The following TEX9 variants were observed in gnomAD, a reference collection of about 807,000 sequenced individuals.
TEX9 encodes the protein testis-expressed protein 9.
A neutral mutation model predicts 59.6 loss-of-function variants in TEX9; 74 were observed. The ratio of observed to expected loss-of-function variants is 1.24; its 90% CI spans 1.03 to 1.51. The LOEUF is 1.51. Among genes scored for constraint, TEX9 ranks in the 40% most tolerant of loss-of-function variants. The pLI, the probability that TEX9 is intolerant of heterozygous loss-of-function variation, is 0.00. For missense variants in TEX9, 522 were observed against 447.8 expected, an observed-to-expected ratio of 1.17 and a Z score of -1.49; for synonymous variants, 186 against 152.2, an observed-to-expected ratio of 1.22 and a Z score of -1.64.
At chr15:56,266,533 G>GTTCT in intron 1 of TEX9, among the ~76,000 whole-genome samples, 1 of 144,842 alleles carries the variant, frequency 6.9e-6, no homozygotes, top group African/African-American at 2.6e-5. Flanking sequence ...GTGTCCAAGT[G>GTTCT]TTCTCATTGT....
At chr15:56,302,069 A>G (rs2045371875) in intron 1 of TEX9, among the ~76,000 whole-genome samples, 1 of 152,188 alleles carries the variant, frequency 6.6e-6, no homozygotes, top group Non-Finnish European at 1.5e-5. Context: ...AGTTTTTATT[A>G]GTTTTCTGTT....
chr15:56,306,970 A>C (rs1398182440), intron 1 of TEX9, among the ~76,000 whole-genome samples: 1 of 152,236 alleles, frequency 6.6e-6, no homozygotes, highest in Non-Finnish European at 1.5e-5. Flanking sequence ...ATGCCCAATA[A>C]ATTTCAACAG....
At chr15:56,403,753 A>G (rs547522800) in intron 9 of TEX9, among the ~76,000 whole-genome samples, 1 of 152,348 alleles carries the variant, frequency 6.6e-6, no homozygotes, top group South Asian at 2.1e-4. Context: ...TACAGTAACC[A>G]AAACAGCGTG....
chr15:56,337,103 T>A (rs2046271869), intron 1 of TEX9, among the ~76,000 whole-genome samples: 1 of 152,224 alleles, frequency 6.6e-6, no homozygotes, highest in Non-Finnish European at 1.5e-5. Flanking sequence ...TAGTCTTTTT[T>A]TCCTGGAAAA....
chr15:56,304,770 T>G (rs965336233), intron 1 of TEX9, among the ~76,000 whole-genome samples: 1 of 152,226 alleles, frequency 6.6e-6, no homozygotes, highest in African/African-American at 2.4e-5. Context: ...TTGCTCAGGC[T>G]AGAGTGTGGT....
At chr15:56,345,576 C>T (rs2046455744) in intron 1 of TEX9, among the ~76,000 whole-genome samples, 1 of 152,154 alleles carries the variant, frequency 6.6e-6, no homozygotes, top group Admixed American at 6.5e-5. Context: ...AGGCATGTGC[C>T]ACTGCGCCCA....
At chr15:56,279,129 G>C (rs1293405121) in intron 1 of TEX9, among the ~76,000 whole-genome samples, 2 of 152,120 alleles carry the variant, frequency 1.3e-5, no homozygotes, top group Non-Finnish European at 2.9e-5. Flanking sequence ...AAGCATGCAT[G>C]TACTTGCCAG....
intron 2 of TEX9, among the ~76,000 whole-genome samples, chr15:56,366,598 C>A (rs2046956471): frequency 6.6e-6 from 1 of 152,112 alleles, no homozygotes. Context: ...TTGTCTGTCT[C>A]CACTGGACTG....
chr15:56,430,476 G>T (rs1376428435), intron 12 of TEX9, among the ~76,000 whole-genome samples: 3 of 152,176 alleles, frequency 2.0e-5, no homozygotes, highest in Non-Finnish European at 4.4e-5. Flanking sequence ...AAAGTGCTGG[G>T]ATTATAGGCA....
upstream of TEX9, among the ~76,000 whole-genome samples, chr15:56,362,583 C>A (rs555275528): frequency 1.2e-4 from 18 of 152,240 alleles, no homozygotes; most frequent in East Asian, 2.9e-3. Context: ...TCTATATTTA[C>A]CCATATAAAG....
At chr15:56,271,917 G>A (rs1416406665) in intron 1 of TEX9, among the ~76,000 whole-genome samples, 2 of 152,274 alleles carry the variant, frequency 1.3e-5, no homozygotes, top group South Asian at 2.1e-4. Flanking sequence ...GAGGCGGGCA[G>A]ATCACGAGGT....
chr15:56,284,788 T>G (rs1169282078), intron 1 of TEX9, among the ~76,000 whole-genome samples: 1 of 152,152 alleles, frequency 6.6e-6, no homozygotes, highest in Non-Finnish European at 1.5e-5. Flanking sequence ...TGACCTTTTT[T>G]TCCAAGTTCT....
intron 1 of TEX9, among the ~76,000 whole-genome samples, chr15:56,352,499 C>T (rs1279642481): frequency 1.3e-5 from 2 of 151,972 alleles, no homozygotes; most frequent in East Asian, 1.9e-4. Flanking sequence ...GCGATCCGCT[C>T]GTCTTGGCCT....
chr15:56,406,161 A>G (rs1221064451), intron 9 of TEX9, among the ~76,000 whole-genome samples: 4 of 152,176 alleles, frequency 2.6e-5, no homozygotes, highest in African/African-American at 7.2e-5. Flanking sequence ...TTTTTTCACT[A>G]CAAATTAGAT....
At chr15:56,275,042 T>A (rs2044636528) in intron 1 of TEX9, among the ~76,000 whole-genome samples, 1 of 152,190 alleles carries the variant, frequency 6.6e-6, no homozygotes, top group East Asian at 1.9e-4. Flanking sequence ...CCAGGGGAAT[T>A]CCCTGTTGTC....
At chr15:56,446,565 ACTT>A (rs2050905094), downstream of TEX9, among the ~76,000 whole-genome samples, 1 of 151,722 alleles carries the variant, frequency 6.6e-6, no homozygotes, top group Non-Finnish European at 1.5e-5. Flanking sequence ...GTACTGTACT[ACTT>A]TGTCAGTGAA....
chr15:56,263,645 G>A (rs1360291062), intron 1 of TEX9, among the ~76,000 whole-genome samples: 3 of 151,790 alleles, frequency 2.0e-5, no homozygotes, highest in Non-Finnish European at 2.9e-5. Context: ...AACTACCACC[G>A]CAATCAAGGT....
chr15:56,350,869 C>T (rs2046565230), intron 1 of TEX9, among the ~76,000 whole-genome samples: 1 of 152,078 alleles, frequency 6.6e-6, no homozygotes, highest in African/African-American at 2.4e-5. Context: ...AAGCCAAGAC[C>T]AGGCAAGAAT....
chr15:56,394,490 A>C, intron 8 of TEX9, 171 bp from the exon 9 acceptor site: 1 of 637,778 alleles, frequency 1.6e-6, no homozygotes, highest in South Asian at 2.3e-5. Context: ...GTAAGCTATT[A>C]AATGCAAATA....
Sources: allele counts gnomAD v4.1 joint callset (sites outside exome capture counted in the v4.1 genomes callset), GRCh38; gene constraint gnomAD v4.1.1; transcripts MANE v1.5; gene names NCBI Gene and HGNC (gene_info 2026-07-23, HGNC 2026-07-21).